HAS3: variants seen among roughly 807,000 people sequenced by gnomAD.
HAS3 encodes the protein HA synthase 3.
HAS3 carries 27 observed loss-of-function variants against 50.3 expected under a neutral mutation model. The ratio of observed to expected loss-of-function variants is 0.54; its 90% CI spans 0.40 to 0.74. HAS3 has a LOEUF of 0.74. Ranked by LOEUF, HAS3 falls within the 30% of genes least tolerant of loss-of-function variation. The probability of loss-of-function intolerance (pLI) is 0.00; values close to 1 mark genes in which losing one functional copy is unlikely to be tolerated. For missense variants in HAS3, 517 were observed against 742.8 expected (o/e 0.70, Z 3.53); for synonymous variants, 339 against 310.9 (o/e 1.09, Z -0.95).
upstream of HAS3, chr16:69,105,597 A>G (rs1044461490): frequency 6.6e-6 from 1 of 152,226 alleles, no homozygotes; most frequent in Non-Finnish European, 1.5e-5. Flanking sequence ...GCGGAATTCA[A>G]AGCTAAGCTG....
At chr16:69,118,200 C>T (rs1961307204), downstream of HAS3, 2 of 548,726 alleles carry the variant, frequency 3.6e-6, no homozygotes, top group Non-Finnish European at 6.7e-6. Flanking sequence ...TTGGGAGTAC[C>T]AGTGAAGAGG....
At chr16:69,098,520 T>C in the HAS3 span, among the ~76,000 whole-genome samples, 7 of 151,864 alleles carry the variant, frequency 4.6e-5, no homozygotes, top group East Asian at 9.7e-4. Flanking sequence ...TGGGACGACA[T>C]GCACATGGCA....
At chr16:69,088,070 C>T in the HAS3 span, among the ~76,000 whole-genome samples, 1 of 152,094 alleles carries the variant, frequency 6.6e-6, no homozygotes, top group Non-Finnish European at 1.5e-5. Context: ...TGCTCATCCA[C>T]ATGTAAGAGC....
rs1415686803 is a variant in HAS3 at position 69,116,890 on chromosome 16, C to T, written c.*1624C>T. The T allele has an allele frequency of 1.0e-6, 1 of 985,308 alleles. No individual in the cohort carries two copies. Among genetic ancestry groups the T allele is most frequent in the Admixed American group, 6.1e-5 (1 of 16,264 alleles). 61.0% of individuals were successfully genotyped at this position (985,308 alleles called of 1,614,324 possible). ...GCAGAACCAGCACTAAGGTGGACAG[C>T]AGACAAGAGGGCAAGCCTCTAGTGT... On this transcript the variant is annotated 3_prime_UTR_variant, in exon 4 of 4. Transcript: ENST00000569188.
Position 69,114,126 on chromosome 16 carries a change from A to G in HAS3, c.739-217A>G, listed in dbSNP as rs979636865. ...CACTTAGTGGGGAAAATCTCTGCAG[A>G]TAAGATGACACAGTAGGGAGGTAGA... On this transcript the variant is annotated intron_variant, in intron 3 of 3. Transcript: ENST00000569188. This position sits in a 1 kb window ranked among gnomAD's most constrained non-coding sequence, Gnocchi z 6.4. Among the ~76,000 whole-genome samples the G allele has an allele frequency of 3.9e-5, 6 of 152,200 alleles. No individual in the cohort carries two copies. The highest frequency in any genetic ancestry group is 7.3e-5 in the Non-Finnish European group (5 of 68,036).
Position 69,115,113 on chromosome 16 carries a change from C to T in HAS3, c.1509C>T (p.Asp503=). ...TGGCCTACACAGCTTATTGCCAGGA[C>T]CTGTTCAGTGAGACAGAGCTAGCCT... ...GGLAYTAYCQ[D]LFSETELAFL... Residue 503 remains aspartate (D), a synonymous_variant, in exon 4 of 4, where the codon GAC becomes GAT. Transcript: ENST00000569188. 6.2e-7 allele frequency: 1 copy of T among 1,611,998 alleles called. No homozygotes were observed. Among genetic ancestry groups the T allele is most frequent in the Non-Finnish European group, 8.5e-7 (1 of 1,178,814 alleles).
At chr16:69,100,340 GAACAT>G in the HAS3 span, among the ~76,000 whole-genome samples, 1 of 152,154 alleles carries the variant, frequency 6.6e-6, no homozygotes, top group South Asian at 2.1e-4. Context: ...GCAGCTGCGG[GAACAT>G]AACCTGCTAC....
intron 2 of HAS3, among the ~76,000 whole-genome samples, chr16:69,112,585 T>C (rs116899972): frequency 0.031 from 4,787 of 152,238 alleles, 116 homozygotes; most frequent in Non-Finnish European, 0.042. Context: ...TCTTTGTTGC[T>C]CTCCTAACAG....
At chr16:69,083,895 C>T in the HAS3 span, 4 of 409,026 alleles carry the variant, frequency 9.8e-6, no homozygotes, top group Non-Finnish European at 1.7e-5. Flanking sequence ...TTACAGATCT[C>T]ATTAATCTAC....
At chr16:69,083,730 C>T in the HAS3 span, 1 of 1,491,858 alleles carries the variant, frequency 6.7e-7, no homozygotes, top group Non-Finnish European at 9.0e-7. Context: ...GGTCTTCCAG[C>T]AGGTGGCCCT....
chr16:69,098,167 A>G, the HAS3 span, among the ~76,000 whole-genome samples: 1 of 152,066 alleles, frequency 6.6e-6, no homozygotes, highest in Non-Finnish European at 1.5e-5. Context: ...GAGGATCACG[A>G]GGTCAGGAGA....
chr16:69,104,990 T>TG (rs530121567), upstream of HAS3, among the ~76,000 whole-genome samples: 1,146 of 133,826 alleles, frequency 8.6e-3, 23 homozygotes, highest in Middle Eastern at 0.016. Context: ...CTCTGTTTTT[T>TG]GGTTTTTTTT....
chr16:69,108,402 T>C (rs557049933), intron 1 of HAS3, among the ~76,000 whole-genome samples: 24 of 152,320 alleles, frequency 1.6e-4, no homozygotes, highest in African/African-American at 4.3e-4. Context: ...GCAGAAGTGC[T>C]GTCTTAAACC....
Position 69,107,649 on chromosome 16 carries a change from C to T in HAS3, c.1-1747C>T, listed in dbSNP as rs1160364047. 1 of 985,494 alleles carries T rather than the reference C, an allele frequency of 1.0e-6. No homozygotes were observed. Among genetic ancestry groups the T allele is most frequent in the African/African-American group, 1.7e-5 (1 of 57,244 alleles). 61.0% of individuals were successfully genotyped at this position (985,494 alleles called of 1,614,324 possible). A position where few individuals can be genotyped will look rare whatever the true frequency, so the allele number is the denominator to read the frequency against. ...CTGGCCTTGGCGCCCCCTTCCCCTA[C>T]CCAGAGCGCAGGCAGGCAGGGGGGT... is the stretch of plus-strand genomic sequence containing the variant. On this transcript the variant is annotated intron_variant, in intron 1 of 3. Coordinates refer to ENST00000569188, the MANE Select transcript of HAS3 (RefSeq NM_001199280.2). The surrounding 1 kb of genome is among the most constrained non-coding windows in gnomAD (Gnocchi z 5.5).
rs1450018928 is a variant in HAS3 at position 69,117,219 on chromosome 16, C to G, written c.*1953C>G. On this transcript the variant is annotated 3_prime_UTR_variant, in exon 4 of 4. Transcript: ENST00000569188. ...CGGTCAGCCAAGTGCAGAGTTCAGA[C>G]TTCGCTAAGGGCTTGTTTTTCTTCA... The G allele has an allele frequency of 1.0e-6, 1 of 985,760 alleles. No homozygotes were observed. Among genetic ancestry groups the G allele is most frequent in the Non-Finnish European group, 1.2e-6 (1 of 829,928 alleles). The allele number at this position is 985,760 out of a possible 1,614,324, so 61.1% of individuals were successfully genotyped here.
chr16:69,114,896 G>C lies in HAS3; in HGVS notation c.1292G>C (p.Arg431Pro). 1 of 1,614,042 alleles carries C rather than the reference G, an allele frequency of 6.2e-7. No homozygotes were observed. Among genetic ancestry groups the C allele is most frequent in the Non-Finnish European group, 8.5e-7 (1 of 1,180,032 alleles). Residue 431 changes from arginine (R) to proline (P), a missense_variant, in exon 4 of 4, where the codon CGG becomes CCG. Arg to Pro is a moderately radical substitution (Grantham distance 103, BLOSUM62 -2). Transcript: ENST00000569188. The surrounding 1 kb of genome is among the most constrained non-coding windows in gnomAD (Gnocchi z 6.4). ...AAGGCCACCTACGCCTGCTTCCTTC[G>C]GGGCAATGCAGAGATGATCTTCATG... ...IIKATYACFL[R>P]GNAEMIFMSL... is the part of the protein sequence containing the mutation.
Position 69,116,812 on chromosome 16 carries a change from G to C in HAS3, c.*1546G>C. 1.0e-6 allele frequency: 1 copy of C among 985,382 alleles called. No homozygotes were observed. The highest frequency in any genetic ancestry group is 1.2e-6 in the Non-Finnish European group (1 of 829,938). 61.0% of individuals were successfully genotyped at this position (985,382 alleles called of 1,614,324 possible). On this transcript the variant is annotated 3_prime_UTR_variant, in exon 4 of 4. Transcript: ENST00000569188. Reference sequence around the variant, plus strand: ...ATCCTGACTAAGCCTTTGACTTAAGGGTTGCTTGCTTGCCCTCCAAATGTC... The same window carrying C: ...ATCCTGACTAAGCCTTTGACTTAAGCGTTGCTTGCTTGCCCTCCAAATGTC...
chr16:69,105,012 T>G (rs1461681008), upstream of HAS3, among the ~76,000 whole-genome samples: 5 of 100,702 alleles, frequency 5.0e-5, no homozygotes, highest in African/African-American at 1.9e-4. Flanking sequence ...TTTTTTTTTT[T>G]TTTTTTTTTT....
chr16:69,114,200 AG>A lies in HAS3; in HGVS notation c.739-141del. 1 of 1,271,244 alleles carries A rather than the reference AG, an allele frequency of 7.9e-7. No homozygotes were observed. Among genetic ancestry groups the A allele is most frequent in the Non-Finnish European group, 1.1e-6 (1 of 934,758 alleles). The allele number at this position is 1,271,244 out of a possible 1,614,324, so 78.7% of individuals were successfully genotyped here. A position where few individuals can be genotyped will look rare whatever the true frequency, so the allele number is the denominator to read the frequency against. On this transcript the variant is annotated intron_variant, in intron 3 of 3. Coordinates refer to ENST00000569188, the MANE Select transcript of HAS3 (RefSeq NM_001199280.2). This position sits in a 1 kb window ranked among gnomAD's most constrained non-coding sequence, Gnocchi z 6.4. ...TGTGTGGTTGGCTCCTCTGAGCCTC[AG>A]GTTTCCCAGCTCCAAAGGAACCGAT... is the stretch of plus-strand genomic sequence containing the variant.
Sources: gnomAD v4.1 joint callset for allele counts (sites outside exome capture counted in the v4.1 genomes callset) on GRCh38, gnomAD v4.1.1 for gene constraint, Gnocchi (gnomAD v3.1) non-coding constraint, MANE v1.5 for transcripts, NCBI Gene and HGNC (gene_info 2026-07-23, HGNC 2026-07-21) for gene names.